Variants in MYO18A observed in about 807,000 individuals in gnomAD.
The protein encoded by MYO18A is unconventional myosin-XVIIIa.
A neutral mutation model predicts 235.8 loss-of-function variants in MYO18A; 78 were observed. The observed-to-expected ratio is 0.33, with a 90% confidence interval of 0.28 to 0.40. The LOEUF (loss-of-function observed/expected upper bound fraction) is 0.40, where lower values mean the gene tolerates loss of function less well. Ranked by LOEUF, MYO18A falls within the 10% of genes least tolerant of loss-of-function variation. The pLI is 1.00. For missense variants in MYO18A, 2,215 were observed against 2,699.3 expected (o/e 0.82, Z 3.98); for synonymous variants, 977 against 1,077.8 (o/e 0.91, Z 1.83).
At position 29,121,604 on chromosome 17, in the gene MYO18A, A is replaced by G. The variant is rs755445064; in HGVS notation, c.1314T>C (p.Ala438=). The part of the protein sequence containing the change: ...RYGASLLHTY[A]GPSLLVLGPR... ...GGCCAAGAACCAGCAGGCTGGGGCC[A>G]GCATACGTGTGCAGCAGGCTAGCGC... is the stretch of plus-strand genomic sequence containing the variant. Residue 438 remains alanine, a synonymous_variant, in exon 5 of 42, where the codon GCT becomes GCC. Transcript: ENST00000527372. The surrounding 1 kb of genome is among the most constrained non-coding windows in gnomAD (Gnocchi z 4.2). 3 of 1,598,366 alleles carry G rather than the reference A, an allele frequency of 1.9e-6. No individual in the cohort carries two copies. The highest frequency in any genetic ancestry group is 2.6e-6 in the Non-Finnish European group (3 of 1,172,966).
intron 2 of MYO18A, among the ~76,000 whole-genome samples, chr17:29,148,614 G>A (rs2067899598): frequency 6.7e-6 from 1 of 149,038 alleles, no homozygotes; most frequent in Non-Finnish European, 1.5e-5. Flanking sequence ...GTGTGTGTGT[G>A]TGTAAGTAAC....
intron 41 of MYO18A, chr17:29,078,606 C>A (rs544688700): frequency 1.3e-5 from 2 of 152,254 alleles, no homozygotes; most frequent in African/African-American, 2.4e-5. Flanking sequence ...ACTCGGGGGA[C>A]ATACCTCCTG....
intron 10 of MYO18A, 85 bp from the exon 11 acceptor site, chr17:29,116,540 G>A: frequency 6.5e-7 from 1 of 1,545,946 alleles, no homozygotes; most frequent in Non-Finnish European, 8.9e-7. Flanking sequence ...CCGCCTCGGA[G>A]GGACCGTGGG....
Position 29,097,911 on chromosome 17 carries a change from A to T in MYO18A, c.3991-12T>A. On this transcript the variant is annotated splice_polypyrimidine_tract_variant and intron_variant, in intron 25 of 41. Transcript: ENST00000527372. ...GCATCGTACTGGGTCTGCAGAAGAC[A>T]GGGTTTCAGGGTGTGCCATTCCATC... 6.2e-7 allele frequency: 1 copy of T among 1,606,642 alleles called. No homozygotes were observed. Among genetic ancestry groups the T allele is most frequent in the Middle Eastern group, 1.7e-4 (1 of 6,022 alleles).
intron 2 of MYO18A, among the ~76,000 whole-genome samples, chr17:29,134,989 GA>G (rs2067562818): frequency 6.6e-6 from 1 of 152,186 alleles, no homozygotes; most frequent in Admixed American, 6.5e-5. Context: ...CTATGGATTA[GA>G]AACCAGAGCT....
chr17:29,110,692 C>G (rs1994663), intron 17 of MYO18A, 70 bp from the exon 18 acceptor site: 679,720 of 1,478,728 alleles, frequency 0.46, 160,136 homozygotes, highest in East Asian at 0.85. Context: ...CGCTCCTCCC[C>G]CAAGGCCCCA....
intron 2 of MYO18A, among the ~76,000 whole-genome samples, chr17:29,134,895 C>T (rs963344187): frequency 6.6e-6 from 1 of 152,090 alleles, no homozygotes; most frequent in African/African-American, 2.4e-5. Flanking sequence ...AGGAATCTGC[C>T]TCAGGACCCC....
intron 34 of MYO18A, chr17:29,091,703 G>A (rs964190527): frequency 8.8e-6 from 4 of 454,378 alleles, no homozygotes; most frequent in Non-Finnish European, 1.8e-5. Flanking sequence ...TCAGCAGCTA[G>A]GTGACTAGCT....
At chr17:29,153,793 A>G (rs560791750) in intron 2 of MYO18A, among the ~76,000 whole-genome samples, 2 of 152,192 alleles carry the variant, frequency 1.3e-5, no homozygotes, top group African/African-American at 2.4e-5. Flanking sequence ...CAACAATGAG[A>G]GCAGCAGTTT....
At position 29,072,281 on chromosome 17, in the gene MYO18A, T is replaced by C. The variant is rs1362009978; in HGVS notation, c.*2489A>G. 6.7e-6 allele frequency: 1 copy of C among 149,202 alleles called. No individual in the cohort carries two copies. The highest frequency in any genetic ancestry group is 1.5e-5 in the Non-Finnish European group (1 of 67,656). The allele number at this position is 149,202 out of a possible 1,614,324, so 9.2% of individuals were successfully genotyped here. On this transcript the variant is annotated 3_prime_UTR_variant, in exon 42 of 42. Transcript: ENST00000527372. ...TGGCTCATGCCTATAATCCTAGCAC[T>C]TTGGGAGGCGAGGCAGGCAGATCAC...
Position 29,118,022 on chromosome 17 carries a change from T to C in MYO18A, c.2038+23A>G. 6.4e-7 allele frequency: 1 copy of C among 1,565,746 alleles called. No individual in the cohort carries two copies. The highest frequency in any genetic ancestry group is 8.7e-7 in the Non-Finnish European group (1 of 1,155,478). On this transcript the variant is annotated intron_variant, in intron 10 of 41. Coordinates refer to ENST00000527372, the MANE Select transcript of MYO18A (RefSeq NM_078471.4). The surrounding 1 kb of genome is among the most constrained non-coding windows in gnomAD (Gnocchi z 4.2). ...AGGTCACCCAGGGGACAGGCCAGCC[T>C]ACTGGGACCCACTGCAGGTTACCTT...
chr17:29,100,047 G>T (rs1354277155), intron 21 of MYO18A, among the ~76,000 whole-genome samples: 1 of 152,142 alleles, frequency 6.6e-6, no homozygotes, highest in Non-Finnish European at 1.5e-5. Flanking sequence ...GAAGATACCT[G>T]GGGCAAGGAA....
rs768610125 is a variant in MYO18A at position 29,121,742 on chromosome 17, G to A, written c.1195-19C>T. 11 of 1,575,872 alleles carry A rather than the reference G, an allele frequency of 7.0e-6. No homozygotes were observed. Among genetic ancestry groups the A allele is most frequent in the South Asian group, 2.3e-5 (2 of 87,958 alleles). On this transcript the variant is annotated intron_variant, in intron 4 of 41. Transcript: ENST00000527372. The surrounding 1 kb of genome is among the most constrained non-coding windows in gnomAD (Gnocchi z 4.2). The stretch of plus-strand genomic sequence containing the variant: ...CATTAGCCTGTGTGGGAGGACAGGC[G>A]GGTGGGTATTAGAGCAGCAGAGCCC...
At chr17:29,177,608 A>T (rs2068562036) in intron 1 of MYO18A, among the ~76,000 whole-genome samples, 2 of 151,984 alleles carry the variant, frequency 1.3e-5, no homozygotes, top group Admixed American at 6.5e-5. Context: ...ATCTTAAAGC[A>T]CCCGGGGGTC....
intron 41 of MYO18A, among the ~76,000 whole-genome samples, chr17:29,081,355 T>A (rs910490025): frequency 6.6e-6 from 1 of 152,088 alleles, no homozygotes; most frequent in Non-Finnish European, 1.5e-5. Context: ...ACCACGGCAG[T>A]GGGGCGGGGA....
chr17:29,133,628 T>C (rs541380048), intron 2 of MYO18A: 1 of 416,972 alleles, frequency 2.4e-6, no homozygotes, highest in East Asian at 7.1e-5. Flanking sequence ...CCAGCCAGAA[T>C]AGGGAGTTCA....
chr17:29,110,327 C>G, intron 18 of MYO18A, 109 bp downstream of exon 18: 1 of 1,354,540 alleles, frequency 7.4e-7, no homozygotes, highest in Non-Finnish European at 9.9e-7. Flanking sequence ...CACAGTGGGA[C>G]GCTGAGTGGG....
rs762355698 is a variant in MYO18A at position 29,119,402 on chromosome 17, G to A, written c.1762C>T (p.Arg588Cys). ...MLLEKLRVAR[R>C]PASEATFNVF... Reference sequence around the variant, plus strand: ...TTGAATGTGGCTTCACTGGCTGGGCGCCGAGCCACACGCAGCTTCTCCAGA... The same window carrying A: ...TTGAATGTGGCTTCACTGGCTGGGCACCGAGCCACACGCAGCTTCTCCAGA... The change falls in exon 8 of 42, where the codon CGC (arginine) becomes TGC (cysteine). Residue 588 changes from arginine (R) to cysteine (C), a missense_variant. By Grantham distance (180) the Arg-to-Cys change is radical. Coordinates refer to ENST00000527372, the MANE Select transcript of MYO18A (RefSeq NM_078471.4). 1.1e-5 allele frequency: 17 copies of A among 1,611,194 alleles called. No individual in the cohort carries two copies. Among genetic ancestry groups the A allele is most frequent in the South Asian group, 4.4e-5 (4 of 90,500 alleles).
intron 22 of MYO18A, 47 bp downstream of exon 22, chr17:29,099,587 G>A: frequency 6.3e-7 from 1 of 1,591,586 alleles, no homozygotes. Flanking sequence ...GAACTTGGCT[G>A]TGCCCATCTA....
Sources: gnomAD v4.1 joint callset for allele counts (sites outside exome capture counted in the v4.1 genomes callset) on GRCh38, gnomAD v4.1.1 for gene constraint, Gnocchi (gnomAD v3.1) non-coding constraint, MANE v1.5 for transcripts, NCBI Gene and HGNC (gene_info 2026-07-23, HGNC 2026-07-21) for gene names.